Variants in RHOBTB3 observed in about 807,000 individuals in gnomAD.
RHOBTB3 encodes rho-related BTB domain-containing protein 3.
In RHOBTB3, 47 loss-of-function variants were observed where a neutral mutation model predicts 67.2. The ratio of observed to expected loss-of-function variants is 0.70; its 90% confidence interval spans 0.55 to 0.89. The LOEUF is 0.89. Ranked by LOEUF, RHOBTB3 falls within the 40% of genes least tolerant of loss-of-function variation. The probability of loss-of-function intolerance (pLI) is 0.00; values close to 1 mark genes in which losing one functional copy is unlikely to be tolerated. For synonymous variants in RHOBTB3, 273 were observed against 274.2 expected, an observed-to-expected ratio of 1.00 and a Z score of 0.04; for missense variants, 631 against 750.0, an observed-to-expected ratio of 0.84 and a Z score of 1.85.
At chr5:95,757,373 A>G (rs1343059516) in intron 6 of RHOBTB3, among the ~76,000 whole-genome samples, 1 of 152,214 alleles carries the variant, frequency 6.6e-6, no homozygotes, top group Non-Finnish European at 1.5e-5. Context: ...ACTTCAAATC[A>G]TGTAGCGATA....
In RHOBTB3 at chr5:95,731,854, T is replaced by A. The variant is rs753781571; in HGVS notation, c.3-5T>A. 1.2e-6 allele frequency: 2 copies of A among 1,611,682 alleles called. No homozygotes were observed. Among genetic ancestry groups the A allele is most frequent in the Non-Finnish European group, 1.7e-6 (2 of 1,178,316 alleles). On this transcript the variant is annotated splice_region_variant and splice_polypyrimidine_tract_variant and intron_variant, in intron 1 of 11. Coordinates refer to ENST00000379982, the MANE Select transcript of RHOBTB3 (RefSeq NM_014899.4). ...CTTCTCCCCTCGCCCCCTCTGTCCG[T>A]GCAGGTCCATCCACATCGTGGCGCT...
chr5:95,785,463 G>A (rs1580430348), intron 10 of RHOBTB3, among the ~76,000 whole-genome samples: 1 of 151,824 alleles, frequency 6.6e-6, no homozygotes, highest in African/African-American at 2.4e-5. Flanking sequence ...GTATAGTGGC[G>A]GGTGCCTGTA....
intron 8 of RHOBTB3, chr5:95,769,675 C>G (rs1745649781): frequency 5.9e-6 from 1 of 168,772 alleles, no homozygotes; most frequent in Non-Finnish European, 1.3e-5. Context: ...TTTTGCATAT[C>G]TTATTAATGT....
At chr5:95,767,257 A>G (rs1257602062) in intron 7 of RHOBTB3, among the ~76,000 whole-genome samples, 1 of 152,202 alleles carries the variant, frequency 6.6e-6, no homozygotes. Flanking sequence ...TTATTTTTTT[A>G]ACTGTTCACT....
chr5:95,727,519 G>T (rs1281300729), upstream of RHOBTB3, among the ~76,000 whole-genome samples: 1 of 152,146 alleles, frequency 6.6e-6, no homozygotes, highest in African/African-American at 2.4e-5. Flanking sequence ...ATATGAAATG[G>T]TGGCATTTCA....
In RHOBTB3 at chr5:95,755,716, C is replaced by T; in HGVS notation, c.1003C>T (p.Leu335Phe). 1.2e-6 allele frequency: 2 copies of T among 1,614,056 alleles called. No homozygotes were observed. The highest frequency in any genetic ancestry group is 2.2e-5 in the South Asian group (2 of 91,080). ...ATTACGAGTCATTGTTAAAGACGCC[C>T]TCTTCTGTTCTTGTTTATCAGACAT... ...PPLRVIVKDA[L>F]FCSCLSDILR... The change falls in exon 6 of 12, where the codon CTC (leucine) becomes TTC (phenylalanine). Residue 335 changes from leucine (L) to phenylalanine (F), a missense_variant. Physicochemically the swap from Leu to Phe is conservative, Grantham distance 22. Coordinates refer to ENST00000379982, the MANE Select transcript of RHOBTB3 (RefSeq NM_014899.4).
intron 1 of RHOBTB3, among the ~76,000 whole-genome samples, chr5:95,724,198 C>T (rs1348585337): frequency 6.6e-6 from 1 of 152,134 alleles, no homozygotes; most frequent in Non-Finnish European, 1.5e-5. Context: ...TTTAAAGGCT[C>T]TCTGAAAAGA....
intron 3 of RHOBTB3, among the ~76,000 whole-genome samples, chr5:95,742,968 G>A (rs1260317698): frequency 3.3e-5 from 5 of 152,212 alleles, no homozygotes; most frequent in Non-Finnish European, 5.9e-5. Flanking sequence ...CTACTCGGGA[G>A]GCTGAGGCAG....
At position 95,755,777 on chromosome 5, in the gene RHOBTB3, GTTC is replaced by G. The variant is rs778974970; in HGVS notation, c.1048+18_1048+20del. On this transcript the variant is annotated intron_variant, in intron 6 of 11. Transcript: ENST00000379982. ...ATTTATTCAGGTATCTTGTCAAGTGGTTCTGGTTACTTACAATCTCATAAGCTT... is the reference window on the plus strand; with the variant it reads ...ATTTATTCAGGTATCTTGTCAAGTGGTGGTTACTTACAATCTCATAAGCTT... 1.2e-6 allele frequency: 2 copies of G among 1,611,464 alleles called. No homozygotes were observed. The highest frequency in any genetic ancestry group is 2.2e-5 in the South Asian group (2 of 90,962).
chr5:95,732,390 G>C (rs1755312167), intron 2 of RHOBTB3: 1 of 563,404 alleles, frequency 1.8e-6, no homozygotes, highest in African/African-American at 1.9e-5. Context: ...CCAAGGGACG[G>C]GGTCACTAAG....
chr5:95,769,232 C>G (rs1745636861), intron 8 of RHOBTB3: 1 of 370,854 alleles, frequency 2.7e-6, no homozygotes, highest in Non-Finnish European at 5.4e-6. Flanking sequence ...GTGACTGTTA[C>G]AAAGTCAATT....
rs1267120600 is a variant in RHOBTB3, at chr5:95,794,072, C to T, written c.*898C>T. Reference sequence around the variant, plus strand: ...AGGAGGCTCACCGGAGGGAAGAGAACATAGTGAAGATTCCCGCCTTTGGGG... The same window carrying T: ...AGGAGGCTCACCGGAGGGAAGAGAATATAGTGAAGATTCCCGCCTTTGGGG... On this transcript the variant is annotated 3_prime_UTR_variant, in exon 12 of 12. Coordinates refer to ENST00000379982, the MANE Select transcript of RHOBTB3 (RefSeq NM_014899.4). 2.2e-6 allele frequency: 1 copy of T among 455,996 alleles called. No individual in the cohort carries two copies. Among genetic ancestry groups the T allele is most frequent in the Non-Finnish European group, 4.4e-6 (1 of 226,848 alleles). 28.2% of individuals were successfully genotyped at this position (455,996 alleles called of 1,614,324 possible). A position where few individuals can be genotyped will look rare whatever the true frequency, so the allele number is the denominator to read the frequency against.
At chr5:95,726,877 C>T (rs184061159), upstream of RHOBTB3, among the ~76,000 whole-genome samples, 248 of 152,366 alleles carry the variant, frequency 1.6e-3, no homozygotes, top group Non-Finnish European at 3.0e-3. Flanking sequence ...CCCCAACACT[C>T]CTTGTATCTG....
At chr5:95,741,515 T>C (rs993637664) in intron 3 of RHOBTB3, among the ~76,000 whole-genome samples, 2 of 144,478 alleles carry the variant, frequency 1.4e-5, no homozygotes, top group African/African-American at 2.5e-5. Context: ...TTTTTTTTCT[T>C]TCTTTCTGTT....
At chr5:95,770,609 C>T in intron 8 of RHOBTB3, 1 of 469,468 alleles carries the variant, frequency 2.1e-6, no homozygotes, top group South Asian at 1.7e-5. Context: ...GCTTGGGTGG[C>T]TTCTCCATTA....
chr5:95,720,668 C>T (rs1041797318), intron 1 of RHOBTB3, among the ~76,000 whole-genome samples: 4 of 151,802 alleles, frequency 2.6e-5, no homozygotes, highest in South Asian at 2.1e-4. Context: ...TTACATTATA[C>T]GTCACTGCTT....
At chr5:95,731,228 C>A (rs1489173725), upstream of RHOBTB3, 2 of 1,003,014 alleles carry the variant, frequency 2.0e-6, no homozygotes, top group Non-Finnish European at 2.4e-6. Flanking sequence ...CGCATCCGCC[C>A]GACCCCCGGG....
At chr5:95,761,723 A>G (rs1028616701) in intron 6 of RHOBTB3, among the ~76,000 whole-genome samples, 26 of 152,150 alleles carry the variant, frequency 1.7e-4, no homozygotes, top group Non-Finnish European at 1.5e-5. Flanking sequence ...CTCTCATGGT[A>G]TTTTATAAAA....
At chr5:95,755,993 G>A (rs1745234287) in intron 6 of RHOBTB3, 8 of 462,708 alleles carry the variant, frequency 1.7e-5, no homozygotes, top group South Asian at 7.3e-5. Context: ...ATTTTATTGT[G>A]GTAAAATACA....
Sources: gnomAD v4.1 joint callset for allele counts (sites outside exome capture counted in the v4.1 genomes callset) on GRCh38, gnomAD v4.1.1 for gene constraint, MANE v1.5 for transcripts, NCBI Gene and HGNC (gene_info 2026-07-23, HGNC 2026-07-21) for gene names.